Variants in FA2H observed in about 807,000 individuals in gnomAD.
FA2H encodes fatty acid alpha-hydroxylase.
A neutral mutation model predicts 44.9 loss-of-function variants in FA2H; 22 were observed. The observed-to-expected ratio is 0.49, with a 90% CI of 0.35 to 0.70. The LOEUF is 0.70. FA2H is among the 30% of genes least tolerant of loss of function. FA2H has a pLI of 0.01. For synonymous variants in FA2H, 243 were observed against 213.2 expected (o/e 1.14, Z -1.22); for missense variants, 501 against 504.9 (o/e 0.99, Z 0.07).
At chr16:74,770,404 G>A (rs548965951) in intron 1 of FA2H, among the ~76,000 whole-genome samples, 1 of 152,324 alleles carries the variant, frequency 6.6e-6, no homozygotes, top group African/African-American at 2.4e-5. Context: ...TTGAGACAGG[G>A]TCTTGCTCTG....
intron 1 of FA2H, among the ~76,000 whole-genome samples, chr16:74,752,413 C>G (rs1449448430): frequency 6.6e-6 from 1 of 152,174 alleles, no homozygotes; most frequent in Non-Finnish European, 1.5e-5. Flanking sequence ...ACTTCAGCCC[C>G]CACCAGACTC....
intron 1 of FA2H, among the ~76,000 whole-genome samples, chr16:74,744,802 T>A (rs1263139683): frequency 6.6e-6 from 1 of 152,112 alleles, no homozygotes; most frequent in African/African-American, 2.4e-5. Context: ...CCCAGGCTGG[T>A]CTCAAACTCC....
rs976428288 is a variant in FA2H, at chr16:74,713,178, C to T, written c.*1012G>A. 1 of 152,584 alleles carries T rather than the reference C, an allele frequency of 6.6e-6. No individual in the cohort carries two copies. The highest frequency in any genetic ancestry group is 1.5e-5 in the Non-Finnish European group (1 of 68,024). The allele number at this position is 152,584 out of a possible 1,614,324, so 9.5% of individuals were successfully genotyped here. On this transcript the variant is annotated 3_prime_UTR_variant, in exon 7 of 7. Coordinates refer to ENST00000219368, the MANE Select transcript of FA2H (RefSeq NM_024306.5). ...TTGTGGGTAAGAAAGGAACCAAAAA[C>T]AGGAGGAAACAACATTTTTTACATA...
At chr16:74,760,617 A>G (rs1363863019) in intron 1 of FA2H, among the ~76,000 whole-genome samples, 2 of 152,146 alleles carry the variant, frequency 1.3e-5, no homozygotes, top group East Asian at 1.9e-4. Flanking sequence ...TCCCCATCAC[A>G]TGAGTATACT....
At chr16:74,740,944 G>C (rs1195626364) in intron 1 of FA2H, among the ~76,000 whole-genome samples, 9 of 152,190 alleles carry the variant, frequency 5.9e-5, no homozygotes. Flanking sequence ...GAGCGAGGGA[G>C]GCTGTCCCTG....
At chr16:74,731,440 G>C (rs543406427) in intron 2 of FA2H, among the ~76,000 whole-genome samples, 1 of 151,864 alleles carries the variant, frequency 6.6e-6, no homozygotes, top group African/African-American at 2.4e-5. Context: ...CACCACACCC[G>C]GCCATCTCTG....
chr16:74,763,679 C>G (rs1962755088), intron 1 of FA2H, among the ~76,000 whole-genome samples: 2 of 151,816 alleles, frequency 1.3e-5, no homozygotes. Flanking sequence ...CTACTGGGCA[C>G]AAGAGAACAC....
At chr16:74,725,730 C>T (rs1459354715) in intron 4 of FA2H, among the ~76,000 whole-genome samples, 1 of 152,234 alleles carries the variant, frequency 6.6e-6, no homozygotes, top group East Asian at 1.9e-4. Flanking sequence ...TGGGCCATTA[C>T]TCCCAGTCTG....
At chr16:74,748,216 G>C (rs241379) in intron 1 of FA2H, among the ~76,000 whole-genome samples, 151,462 of 152,366 alleles carry the variant, frequency 0.99, 75,289 homozygotes, top group Middle Eastern at 1. Context: ...CGCAGTTTTC[G>C]CTACATGGAA....
intron 2 of FA2H, among the ~76,000 whole-genome samples, chr16:74,727,600 A>G (rs1260106991): frequency 6.6e-6 from 1 of 152,174 alleles, no homozygotes; most frequent in Admixed American, 6.5e-5. Context: ...AAGGTTTGCG[A>G]CCTAAGCTGG....
intron 1 of FA2H, among the ~76,000 whole-genome samples, chr16:74,744,112 G>A (rs1263274894): frequency 6.6e-6 from 1 of 152,114 alleles, no homozygotes; most frequent in African/African-American, 2.4e-5. Flanking sequence ...TGTGCCGCAC[G>A]CATGCCACAC....
At chr16:74,766,614 T>C (rs1962812925) in intron 1 of FA2H, among the ~76,000 whole-genome samples, 3 of 149,744 alleles carry the variant, frequency 2.0e-5, no homozygotes, top group African/African-American at 7.5e-5. Context: ...AGGGCAGAAG[T>C]GAGGGGAATG....
chr16:74,745,417 T>A (rs1962399491), intron 1 of FA2H, among the ~76,000 whole-genome samples: 2 of 152,164 alleles, frequency 1.3e-5, no homozygotes, highest in African/African-American at 4.8e-5. Flanking sequence ...CCCAACCCCC[T>A]GCCCCAGGCC....
intron 2 of FA2H, among the ~76,000 whole-genome samples, chr16:74,734,237 C>A (rs916321224): frequency 6.6e-6 from 1 of 152,240 alleles, no homozygotes; most frequent in Non-Finnish European, 1.5e-5. Context: ...GGGGCTCCCA[C>A]GGCTCCCCCT....
intron 1 of FA2H, among the ~76,000 whole-genome samples, chr16:74,741,935 CA>C (rs983410724): frequency 2.7e-5 from 4 of 150,258 alleles, no homozygotes; most frequent in Non-Finnish European, 5.9e-5. Context: ...GCACATCATA[CA>C]TGGAAATGCC....
intron 1 of FA2H, among the ~76,000 whole-genome samples, chr16:74,753,699 C>G (rs1962568198): frequency 6.6e-6 from 1 of 152,064 alleles, no homozygotes; most frequent in Non-Finnish European, 1.5e-5. Context: ...CCCATAAGCA[C>G]TGCCTGCCAA....
intron 1 of FA2H, among the ~76,000 whole-genome samples, chr16:74,747,246 G>A (rs1962440963): frequency 6.6e-6 from 1 of 152,046 alleles, no homozygotes; most frequent in Admixed American, 6.6e-5. Context: ...AGGAAATGGA[G>A]GCTGCAGTGA....
Position 74,716,399 on chromosome 16 carries a change from C to T in FA2H, c.987G>A (p.Leu329=). The part of the protein sequence containing the change: ...HFGSPHKGSY[L]YSLKAHHVKH... ...TGACGTGGTGGGCCTTCAGGCTGTA[C>T]AGGTAGGAGCCCTTGTGCGGCGAGC... The change falls in exon 6 of 7, where the codon CTG becomes CTA. Residue 329 remains leucine (L), a synonymous_variant. Coordinates refer to ENST00000219368, the MANE Select transcript of FA2H (RefSeq NM_024306.5). The T allele has an allele frequency of 6.2e-7, 1 of 1,613,992 alleles. No individual in the cohort carries two copies. The highest frequency in any genetic ancestry group is 1.3e-5 in the African/African-American group (1 of 74,990).
chr16:74,766,398 T>C (rs947265630), intron 1 of FA2H, among the ~76,000 whole-genome samples: 3 of 150,360 alleles, frequency 2.0e-5, no homozygotes, highest in Non-Finnish European at 4.4e-5. Context: ...CAGATATAGG[T>C]GAGGAGGTAA....
Sources: allele counts gnomAD v4.1 joint callset (sites outside exome capture counted in the v4.1 genomes callset), GRCh38; gene constraint gnomAD v4.1.1; transcripts MANE v1.5; gene names NCBI Gene and HGNC (gene_info 2026-07-23, HGNC 2026-07-21).